CCM2: variants seen among roughly 807,000 people sequenced by gnomAD.
CCM2 encodes the protein cerebral cavernous malformations 2 protein.
In CCM2, 25 loss-of-function variants were observed where a neutral mutation model predicts 44.9. That is an observed-to-expected ratio of 0.56 (90% CI 0.41 to 0.78). The LOEUF (loss-of-function observed/expected upper bound fraction) is 0.78, where lower values mean the gene tolerates loss of function less well. CCM2 is among the 30% of genes least tolerant of loss of function. The probability of loss-of-function intolerance (pLI) is 0.00; values close to 1 mark genes in which losing one functional copy is unlikely to be tolerated. For synonymous variants in CCM2, 219 were observed against 241.1 expected (o/e 0.91, Z 0.85); for missense variants, 481 against 580.6 (o/e 0.83, Z 1.76).
chr7:45,032,632 C>T (rs1797020841), intron 1 of CCM2, among the ~76,000 whole-genome samples: 1 of 152,172 alleles, frequency 6.6e-6, no homozygotes, highest in Admixed American at 6.5e-5. Flanking sequence ...GGCTGTGTCA[C>T]CTCTAACCAA....
At chr7:45,009,216 G>C (rs1383041903) in intron 1 of CCM2, among the ~76,000 whole-genome samples, 1 of 148,042 alleles carries the variant, frequency 6.8e-6, no homozygotes, top group East Asian at 2.1e-4. Context: ...CAGGAGAATC[G>C]CTTGAACCCG....
chr7:45,074,644 C>T (rs1179704568), intron 9 of CCM2, among the ~76,000 whole-genome samples: 1 of 152,170 alleles, frequency 6.6e-6, no homozygotes, highest in African/African-American at 2.4e-5. Flanking sequence ...CCTTCATTCT[C>T]CTGGGAACTC....
chr7:45,016,450 C>T (rs1390154514), intron 1 of CCM2, among the ~76,000 whole-genome samples: 1 of 151,400 alleles, frequency 6.6e-6, no homozygotes, highest in Non-Finnish European at 1.5e-5. Context: ...CTGTCTCAGC[C>T]TCCTGAGTAG....
At chr7:45,041,394 A>G (rs1028619985) in intron 2 of CCM2, among the ~76,000 whole-genome samples, 1 of 152,246 alleles carries the variant, frequency 6.6e-6, no homozygotes, top group Admixed American at 6.5e-5. Flanking sequence ...CAATAACGTA[A>G]GAACACTCTG....
rs140236063 is a variant in CCM2, at chr7:45,041,507, G to A, written c.204+3081G>A. On this transcript the variant is annotated intron_variant, in intron 2 of 9. Transcript: ENST00000258781. ...CATGTAGCCCAGACTATGAGCCGAA[G>A]AAACTGGCAGCCCAGAAACACCAAC... Among the ~76,000 whole-genome samples, 3 of 152,288 alleles carry A rather than the reference G, an allele frequency of 2.0e-5. No homozygotes were observed. In the East Asian group the frequency reaches 5.8e-4, roughly 29 times the overall value.
In CCM2 at chr7:45,038,882, C is replaced by G. The variant is rs568614220; in HGVS notation, c.204+456C>G. Among the ~76,000 whole-genome samples the G allele has an allele frequency of 9.2e-5, 14 of 152,302 alleles. No homozygotes were observed. In the South Asian group the frequency reaches 2.9e-3, roughly 32 times the overall value. ...CTGAGGCCAAAATACTGTGCATAAA[C>G]CATGTGACGTGCATAAGTTGATTTT... is the stretch of plus-strand genomic sequence containing the variant. On this transcript the variant is annotated intron_variant, in intron 2 of 9. Coordinates refer to ENST00000258781, the MANE Select transcript of CCM2 (RefSeq NM_031443.4).
chr7:45,005,640 T>C (rs1021838508), intron 1 of CCM2, among the ~76,000 whole-genome samples: 1 of 152,268 alleles, frequency 6.6e-6, no homozygotes, highest in African/African-American at 2.4e-5. Context: ...GTTTACGTGG[T>C]GGCGATACAA....
chr7:45,073,707 A>G (rs1472164199), intron 8 of CCM2, 136 bp downstream of exon 8: 1 of 634,320 alleles, frequency 1.6e-6, no homozygotes, highest in Non-Finnish European at 2.8e-6. Flanking sequence ...ACTCTTGGTC[A>G]ATTTTGCTGA....
At chr7:45,072,181 T>G in intron 6 of CCM2, 1 of 332,164 alleles carries the variant, frequency 3.0e-6, no homozygotes, top group Non-Finnish European at 5.9e-6. Context: ...CTAATGTCAT[T>G]TGTTGAATGT....
chr7:45,033,044 CAAAAAAAAAAAAAAA>C (rs60956411), intron 1 of CCM2, among the ~76,000 whole-genome samples: 5 of 58,084 alleles, frequency 8.6e-5, no homozygotes, highest in African/African-American at 2.7e-4. Flanking sequence ...AACTCCGTCT[CAAAAAAAAAAAAAAA>C]AAAAAAAAAA....
chr7:45,016,577 G>T (rs1171500336), intron 1 of CCM2, among the ~76,000 whole-genome samples: 3 of 151,132 alleles, frequency 2.0e-5, no homozygotes, highest in Admixed American at 6.6e-5. Context: ...TGATCCACCC[G>T]CCTCAGCCTC....
chr7:45,027,912 C>G (rs1796765317), intron 1 of CCM2: 1 of 1,077,826 alleles, frequency 9.3e-7, no homozygotes, highest in African/African-American at 1.6e-5. Flanking sequence ...TAGGGTAGCC[C>G]AGTCTCCATG....
At chr7:45,035,850 G>A (rs1797192241) in intron 1 of CCM2, among the ~76,000 whole-genome samples, 1 of 152,042 alleles carries the variant, frequency 6.6e-6, no homozygotes, top group Non-Finnish European at 1.5e-5. Flanking sequence ...TGTATAGACA[G>A]CAGTGGAAGA....
chr7:45,073,812 G>A (rs933317278), intron 8 of CCM2: 52 of 576,116 alleles, frequency 9.0e-5, no homozygotes, highest in Non-Finnish European at 1.5e-4. Flanking sequence ...CTGTGGGCCT[G>A]TGCTTGGGTC....
At chr7:45,015,337 TTA>T (rs1319910668) in intron 1 of CCM2, among the ~76,000 whole-genome samples, 1 of 152,126 alleles carries the variant, frequency 6.6e-6, no homozygotes, top group Non-Finnish European at 1.5e-5. Flanking sequence ...TCCCCATAGG[TTA>T]ACACTCCTAG....
intron 2 of CCM2, among the ~76,000 whole-genome samples, chr7:45,050,091 G>C (rs770215166): frequency 6.6e-6 from 1 of 152,204 alleles, no homozygotes; most frequent in Non-Finnish European, 1.5e-5. Flanking sequence ...TGACATAGCT[G>C]TCTTAACATT....
chr7:45,031,111 A>G (rs949209027), intron 1 of CCM2, among the ~76,000 whole-genome samples: 11 of 151,348 alleles, frequency 7.3e-5, no homozygotes, highest in African/African-American at 9.7e-5. Flanking sequence ...GCCCAGGTGC[A>G]GTGGCTTACA....
intron 2 of CCM2, among the ~76,000 whole-genome samples, chr7:45,052,873 C>T (rs558700125): frequency 1.7e-4 from 26 of 152,218 alleles, no homozygotes; most frequent in African/African-American, 4.6e-4. Context: ...GGTCAGGGGC[C>T]GGATAAATTT....
At chr7:45,002,453 C>T (rs1795678852) in intron 1 of CCM2, among the ~76,000 whole-genome samples, 1 of 151,884 alleles carries the variant, frequency 6.6e-6, no homozygotes, top group African/African-American at 2.4e-5. Flanking sequence ...CCTATAGTCT[C>T]AGCTACTTGG....
Sources: gnomAD v4.1 joint callset for allele counts (sites outside exome capture counted in the v4.1 genomes callset) on GRCh38, gnomAD v4.1.1 for gene constraint, MANE v1.5 for transcripts, NCBI Gene and HGNC (gene_info 2026-07-23, HGNC 2026-07-21) for gene names.